GABBR2: variants seen among roughly 807,000 people sequenced by gnomAD.
GABBR2 encodes the protein gamma-aminobutyric acid type B receptor subunit 2.
GABBR2 carries 23 observed loss-of-function variants against 105.6 expected under a neutral mutation model. The ratio of observed to expected loss-of-function variants is 0.22; its 90% CI spans 0.16 to 0.31. The LOEUF (loss-of-function observed/expected upper bound fraction) is 0.31. Ranked by LOEUF, GABBR2 falls within the 10% of genes least tolerant of loss-of-function variation. The probability of loss-of-function intolerance (pLI) is 1.00; values close to 1 mark genes in which losing one functional copy is unlikely to be tolerated. For synonymous variants in GABBR2, 478 were observed against 499.7 expected, an observed-to-expected ratio of 0.96 and a Z score of 0.58; for missense variants, 734 against 1,245.5, an observed-to-expected ratio of 0.59 and a Z score of 6.18.
At chr9:98,407,829 T>G (rs1832517213) in intron 7 of GABBR2, among the ~76,000 whole-genome samples, 1 of 152,224 alleles carries the variant, frequency 6.6e-6, no homozygotes, top group Non-Finnish European at 1.5e-5. Context: ...CTTCCTTTAC[T>G]TTGTGAACAA....
chr9:98,556,777 G>A (rs1271665537), intron 2 of GABBR2, among the ~76,000 whole-genome samples: 2 of 152,204 alleles, frequency 1.3e-5, no homozygotes, highest in African/African-American at 2.4e-5. Flanking sequence ...CGGGTGCGGT[G>A]GCTGACGCCT....
chr9:98,387,445 A>G (rs565251645), intron 10 of GABBR2, among the ~76,000 whole-genome samples: 122 of 152,360 alleles, frequency 8.0e-4, no homozygotes, highest in African/African-American at 2.9e-3. Context: ...GGCCTGTGCC[A>G]AGTGCTAAGA....
chr9:98,658,042 G>A (rs564881220), intron 1 of GABBR2, among the ~76,000 whole-genome samples: 1 of 152,348 alleles, frequency 6.6e-6, no homozygotes, highest in South Asian at 2.1e-4. Context: ...GCCTTTACTA[G>A]GCACTGACTG....
At chr9:98,316,802 C>T (rs992644624) in intron 13 of GABBR2, among the ~76,000 whole-genome samples, 3 of 152,172 alleles carry the variant, frequency 2.0e-5, no homozygotes, top group Non-Finnish European at 4.4e-5. Flanking sequence ...CACAAAAATC[C>T]AACAAGGTGT....
intron 3 of GABBR2, among the ~76,000 whole-genome samples, chr9:98,505,498 C>A (rs1827492382): frequency 6.6e-6 from 1 of 151,316 alleles, no homozygotes; most frequent in African/African-American, 2.4e-5. Context: ...CAGTGCAGAG[C>A]CAGTGGCTTG....
chr9:98,424,434 C>T lies in GABBR2; in HGVS notation c.1237-18293G>A, dbSNP rs542132722. Among the ~76,000 whole-genome samples, 3 of 152,064 alleles carry T rather than the reference C, an allele frequency of 2.0e-5. No individual in the cohort carries two copies. The East Asian group carries it at 5.8e-4, about 29-fold the overall frequency. ...TGAAAACGGGCACAAGACAGGGATG[C>T]CCTCTCTCACCACTCCTATTCAACA... On this transcript the variant is annotated intron_variant, in intron 7 of 18. Coordinates refer to ENST00000259455, the MANE Select transcript of GABBR2 (RefSeq NM_005458.8).
At chr9:98,636,026 C>T (rs1021329163) in intron 1 of GABBR2, among the ~76,000 whole-genome samples, 6 of 152,284 alleles carry the variant, frequency 3.9e-5, no homozygotes, top group East Asian at 1.9e-4. Flanking sequence ...CATGGGGCCA[C>T]GGTGATTCCA....
At chr9:98,502,422 G>T (rs1827420373) in intron 3 of GABBR2, among the ~76,000 whole-genome samples, 1 of 152,130 alleles carries the variant, frequency 6.6e-6, no homozygotes, top group South Asian at 2.1e-4. Flanking sequence ...GAGGACGCCG[G>T]GTACTGCCCT....
chr9:98,687,073 C>T (rs1830629104), intron 1 of GABBR2, among the ~76,000 whole-genome samples: 1 of 152,034 alleles, frequency 6.6e-6, no homozygotes, highest in Non-Finnish European at 1.5e-5. Flanking sequence ...TCTTGGCCCT[C>T]TCCTGCTGAG....
At chr9:98,587,302 C>A (rs542299006) in intron 1 of GABBR2, among the ~76,000 whole-genome samples, 1 of 152,292 alleles carries the variant, frequency 6.6e-6, no homozygotes, top group African/African-American at 2.4e-5. Flanking sequence ...AATCACCTCC[C>A]GCATTCTGAG....
intron 13 of GABBR2, among the ~76,000 whole-genome samples, chr9:98,311,770 G>A (rs1022740187): frequency 6.6e-6 from 1 of 152,244 alleles, no homozygotes; most frequent in Non-Finnish European, 1.5e-5. Context: ...ACTGGACAAA[G>A]AATGGGCACC....
chr9:98,450,389 A>T (rs921074069), intron 7 of GABBR2, among the ~76,000 whole-genome samples: 10 of 152,142 alleles, frequency 6.6e-5, no homozygotes, highest in African/African-American at 2.4e-4. Context: ...ACCAGAAGAC[A>T]ATTTTAACGA....
intron 7 of GABBR2, among the ~76,000 whole-genome samples, chr9:98,419,104 G>A (rs915890946): frequency 6.6e-6 from 1 of 152,256 alleles, no homozygotes; most frequent in East Asian, 1.9e-4. Flanking sequence ...GGCCCGGGGG[G>A]GCGGTGGAGC....
At chr9:98,560,194 C>G (rs990328197) in intron 2 of GABBR2, among the ~76,000 whole-genome samples, 2 of 151,912 alleles carry the variant, frequency 1.3e-5, no homozygotes, top group African/African-American at 4.8e-5. Flanking sequence ...TAAAATTAAT[C>G]AACAAGGAGA....
intron 1 of GABBR2, among the ~76,000 whole-genome samples, chr9:98,641,140 T>C (rs1235407686): frequency 8.0e-5 from 12 of 150,694 alleles, no homozygotes; most frequent in Admixed American, 6.6e-4. Flanking sequence ...TTTTTTTTTT[T>C]TTTTTCTTTT....
rs60542139 is a variant in GABBR2, at chr9:98,575,087, A to ACC, written c.459+2846_459+2847dup. ...GAGACAAACATTTATAAACACCACC[A>ACC]CCCCCCCCCAAATCTGCAAAACCCT... On this transcript the variant is annotated intron_variant, in intron 2 of 18. Transcript: ENST00000259455. 4.0e-3 allele frequency among the ~76,000 whole-genome samples: 595 copies of ACC among 150,194 alleles called. 9 individuals carry two copies. Among genetic ancestry groups the ACC allele is most frequent in the African/African-American group, 0.014 (553 of 40,586 alleles).
At chr9:98,677,673 C>T (rs1830493201) in intron 1 of GABBR2, among the ~76,000 whole-genome samples, 1 of 152,194 alleles carries the variant, frequency 6.6e-6, no homozygotes, top group Non-Finnish European at 1.5e-5. Context: ...ATCATCCCTT[C>T]TCTGTCTCAC....
At position 98,446,880 on chromosome 9, in the gene GABBR2, A is replaced by G. The variant is rs560869611; in HGVS notation, c.1236+7101T>C. On this transcript the variant is annotated intron_variant, in intron 7 of 18. Coordinates refer to ENST00000259455, the MANE Select transcript of GABBR2 (RefSeq NM_005458.8). ...AACAAGTTCTCCAGTGACAGCCTTG[A>G]GCACAAAGTCAAGAAACAGGCACAA... Among the ~76,000 whole-genome samples, 121 of 152,244 alleles carry G rather than the reference A, an allele frequency of 7.9e-4. 1 individual carries two copies. The highest frequency in any genetic ancestry group is 2.7e-3 in the African/African-American group (113 of 41,526).
At chr9:98,374,103 C>T (rs1831832386) in intron 11 of GABBR2, among the ~76,000 whole-genome samples, 1 of 152,116 alleles carries the variant, frequency 6.6e-6, no homozygotes, top group South Asian at 2.1e-4. Context: ...AAGTGATCCT[C>T]CTGCCTCGGC....
Sources: gnomAD v4.1 joint callset for allele counts (sites outside exome capture counted in the v4.1 genomes callset) on GRCh38, gnomAD v4.1.1 for gene constraint, MANE v1.5 for transcripts, NCBI Gene and HGNC (gene_info 2026-07-23, HGNC 2026-07-21) for gene names.